GSE1: variants seen among roughly 807,000 people sequenced by gnomAD.
GSE1 encodes the protein genetic suppressor element 1.
In GSE1, 32 loss-of-function variants were observed where a neutral mutation model predicts 112.6. That is an observed-to-expected ratio of 0.28 (90% CI 0.21 to 0.38). GSE1 has a LOEUF of 0.38. Among genes scored for constraint, GSE1 ranks in the 10% least tolerant of loss-of-function variants. The probability of loss-of-function intolerance (pLI) is 1.00; values close to 1 mark genes in which losing one functional copy is unlikely to be tolerated. For synonymous variants in GSE1, 1,115 were observed against 735.6 expected (o/e 1.52, Z -8.35); for missense variants, 2,348 against 1,699.2 (o/e 1.38, Z -6.71).
chr16:85,271,287 C>T (rs1489210579), intron 1 of GSE1, among the ~76,000 whole-genome samples: 1 of 152,178 alleles, frequency 6.6e-6, no homozygotes, highest in Non-Finnish European at 1.5e-5. Context: ...CCCACCCTCT[C>T]TCCCAGCCTC....
intron 2 of GSE1, among the ~76,000 whole-genome samples, chr16:85,456,767 G>C (rs563046679): frequency 9.9e-5 from 15 of 152,226 alleles, no homozygotes; most frequent in Middle Eastern, 3.4e-3. Flanking sequence ...GGCCCGCTAG[G>C]AGGCTGCTGT....
chr16:85,332,239 T>A (rs1169718298), intron 1 of GSE1, among the ~76,000 whole-genome samples: 2 of 152,184 alleles, frequency 1.3e-5, no homozygotes, highest in African/African-American at 4.8e-5. Context: ...CCGTCGGCCA[T>A]GAGAGGGGGC....
At chr16:85,466,605 A>T (rs758744891) in intron 2 of GSE1, among the ~76,000 whole-genome samples, 1 of 152,124 alleles carries the variant, frequency 6.6e-6, no homozygotes, top group Non-Finnish European at 1.5e-5. Flanking sequence ...GCGGGTGGCA[A>T]TGACGGTGGT....
At chr16:85,653,386 C>A (rs2051605224) in intron 3 of GSE1, among the ~76,000 whole-genome samples, 2 of 142,958 alleles carry the variant, frequency 1.4e-5, no homozygotes, top group South Asian at 4.8e-4. Flanking sequence ...TTTCTCCGGG[C>A]TGGACCCTGC....
At chr16:85,285,514 T>A (rs1279069614) in intron 1 of GSE1, 1 of 151,944 alleles carries the variant, frequency 6.6e-6, no homozygotes, top group Non-Finnish European at 1.5e-5. Context: ...AAACCCCGTT[T>A]CTACTAAAAA....
intron 1 of GSE1, among the ~76,000 whole-genome samples, chr16:85,334,147 G>A (rs936389264): frequency 2.0e-5 from 3 of 152,106 alleles, no homozygotes; most frequent in Non-Finnish European, 4.4e-5. Context: ...GGCCTTCCTC[G>A]TCCCACACAT....
chr16:85,627,652 C>G (rs1265028030), intron 1 of GSE1, among the ~76,000 whole-genome samples: 1 of 152,050 alleles, frequency 6.6e-6, no homozygotes, highest in Non-Finnish European at 1.5e-5. Flanking sequence ...AGAGCTTGTA[C>G]AGTGCGGAGA....
intron 2 of GSE1, among the ~76,000 whole-genome samples, chr16:85,415,867 TA>T (rs2048692624): frequency 3.9e-5 from 6 of 152,210 alleles, no homozygotes; most frequent in Admixed American, 3.9e-4. Flanking sequence ...ACAGTTAACA[TA>T]AATTCACATG....
In GSE1 at chr16:85,262,512, CT is replaced by C. The variant is rs1164782817; in HGVS notation, c.2283+90706del. 7.9e-5 allele frequency among the ~76,000 whole-genome samples: 12 copies of C among 152,360 alleles called. No homozygotes were observed. The East Asian group carries it at 2.3e-3, about 29-fold the overall frequency. On this transcript the variant is annotated intron_variant, in intron 1 of 2. Transcript: ENST00000637419. ...TCAGAGGAAGCATGCCTTGGCCTCC[CT>C]CCTCCAGCCCCACATCGGTGATTTC...
intron 2 of GSE1, among the ~76,000 whole-genome samples, chr16:85,539,313 C>G (rs138501425): frequency 3.9e-5 from 6 of 152,346 alleles, no homozygotes; most frequent in Admixed American, 6.5e-5. Flanking sequence ...GCCACATGCC[C>G]GTAAGCACTT....
chr16:85,518,182 A>T (rs553828969), intron 2 of GSE1, among the ~76,000 whole-genome samples: 2 of 152,362 alleles, frequency 1.3e-5, no homozygotes, highest in South Asian at 4.1e-4. Context: ...CTGTGCCTGC[A>T]GGCCCAGATC....
At chr16:85,239,298 A>G (rs1567631240) in intron 1 of GSE1, among the ~76,000 whole-genome samples, 2 of 152,196 alleles carry the variant, frequency 1.3e-5, no homozygotes, top group African/African-American at 4.8e-5. Flanking sequence ...AGAGCTGGGC[A>G]TTTAAAGACC....
Position 85,519,559 on chromosome 16 carries a change from T to TCC in GSE1, c.2465-114355_2465-114354insCC, listed in dbSNP as rs1567555809. 2.8e-3 allele frequency among the ~76,000 whole-genome samples: 26 copies of TCC among 9,274 alleles called. 8 individuals carry two copies. The highest frequency in any genetic ancestry group is 8.1e-3 in the African/African-American group (24 of 2,948). The allele number at this position is 9,274 out of a possible 152,430, so 6.1% of individuals were successfully genotyped here. A position where few individuals can be genotyped will look rare whatever the true frequency, so the allele number is the denominator to read the frequency against. ...CCATCATCACTATTACCACCATCAC[T>TCC]ATCATCATCACCATCACCAGTCTCC... On this transcript the variant is annotated intron_variant, in intron 2 of 2. Transcript: ENST00000637419.
intron 15 of GSE1, among the ~76,000 whole-genome samples, chr16:85,671,356 C>T (rs923889260): frequency 4.2e-5 from 6 of 143,764 alleles, no homozygotes; most frequent in Non-Finnish European, 9.0e-5. Context: ...AGGAGAATGG[C>T]GTGAACCCGG....
In GSE1 at chr16:85,661,598, C is replaced by A. The variant is rs373351584; in HGVS notation, c.2093C>A (p.Thr698Asn). Residue 698 changes from threonine (T) to asparagine (N), a missense_variant, in exon 9 of 16, where the codon ACC becomes AAC. Thr to Asn is a moderately conservative substitution (Grantham distance 65, BLOSUM62 0). Transcript: ENST00000253458. ...QQRASLPQAA[T>N]FGELSGPLKP... ...CGGGCCTCCCTCCCACAGGCGGCCA[C>A]CTTCGGGGAGCTCAGCGGACCCCTG... is the stretch of plus-strand genomic sequence containing the variant. The A allele has an allele frequency of 1.9e-6, 3 of 1,610,528 alleles. No individual in the cohort carries two copies. Among genetic ancestry groups the A allele is most frequent in the Non-Finnish European group, 2.5e-6 (3 of 1,179,158 alleles).
intron 1 of GSE1, among the ~76,000 whole-genome samples, chr16:85,180,295 C>T (rs2074555548): frequency 6.6e-6 from 1 of 152,248 alleles, no homozygotes; most frequent in African/African-American, 2.4e-5. Flanking sequence ...GGCTGCAGCT[C>T]TTTCCACTTG....
chr16:85,656,205 G>A, intron 6 of GSE1, 138 bp from the exon 7 acceptor site: 1 of 1,117,286 alleles, frequency 9.0e-7, no homozygotes, highest in Non-Finnish European at 1.3e-6. Flanking sequence ...TCCTGCACCA[G>A]TGAAACCCGG....
chr16:85,579,949 A>G (rs2046379563), intron 1 of GSE1: 1 of 152,276 alleles, frequency 6.6e-6, no homozygotes, highest in Non-Finnish European at 1.5e-5. Flanking sequence ...AAAGACAAAA[A>G]TCCTGGAGCG....
chr16:85,241,539 C>G (rs1905171256), intron 1 of GSE1, among the ~76,000 whole-genome samples: 1 of 152,122 alleles, frequency 6.6e-6, no homozygotes, highest in South Asian at 2.1e-4. Flanking sequence ...ACCTTTACCT[C>G]ACACCGCAGG....
Sources: allele counts gnomAD v4.1 joint callset (sites outside exome capture counted in the v4.1 genomes callset), GRCh38; gene constraint gnomAD v4.1.1; transcripts MANE v1.5; gene names NCBI Gene and HGNC (gene_info 2026-07-23, HGNC 2026-07-21).